YLPM1: variants seen among roughly 807,000 people sequenced by gnomAD.
The protein encoded by YLPM1 is YLP motif-containing protein 1.
In YLPM1, 99 loss-of-function variants were observed where a neutral mutation model predicts 230.0. The ratio of observed to expected loss-of-function variants is 0.43; its 90% CI spans 0.37 to 0.51. YLPM1 has a LOEUF of 0.51. Ranked by LOEUF, YLPM1 falls within the 20% of genes least tolerant of loss-of-function variation. The pLI, the probability that YLPM1 is intolerant of heterozygous loss-of-function variation, is 0.00. For missense variants in YLPM1, 2,592 were observed against 2,707.7 expected (o/e 0.96, Z 0.95); for synonymous variants, 984 against 942.5 (o/e 1.04, Z -0.81).
chr14:74,816,469 A>T (rs2091478960), intron 12 of YLPM1, 102 bp from the exon 13 acceptor site: 1 of 1,427,844 alleles, frequency 7.0e-7, no homozygotes, highest in Non-Finnish European at 9.4e-7. Context: ...ATTTGAAACC[A>T]CCAGAAGATT....
intron 9 of YLPM1, among the ~76,000 whole-genome samples, chr14:74,811,320 A>C (rs2091432366): frequency 6.6e-6 from 1 of 151,964 alleles, no homozygotes; most frequent in Non-Finnish European, 1.5e-5. Context: ...CATCTCTACA[A>C]AAAATAACAA....
intron 11 of YLPM1, among the ~76,000 whole-genome samples, chr14:74,815,273 T>C (rs1456882337): frequency 6.6e-6 from 1 of 152,158 alleles, no homozygotes; most frequent in Non-Finnish European, 1.5e-5. Flanking sequence ...TCAATTTTGT[T>C]GATCTTAGTC....
intron 6 of YLPM1, among the ~76,000 whole-genome samples, chr14:74,803,107 A>AG (rs2091343966): frequency 6.6e-6 from 1 of 152,082 alleles, no homozygotes; most frequent in Non-Finnish European, 1.5e-5. Flanking sequence ...CAAAAAAAAA[A>AG]AAAAGTCCTG....
intron 2 of YLPM1, among the ~76,000 whole-genome samples, chr14:74,779,282 T>C (rs2091070677): frequency 6.6e-6 from 1 of 152,200 alleles, no homozygotes; most frequent in African/African-American, 2.4e-5. Context: ...AGTTGAGTGC[T>C]TGAGCTTTTA....
intron 4 of YLPM1, among the ~76,000 whole-genome samples, chr14:74,795,858 C>T (rs144288270): frequency 3.9e-5 from 6 of 152,210 alleles, no homozygotes; most frequent in Non-Finnish European, 7.3e-5. Flanking sequence ...AGTTTATTCT[C>T]TCTTAGGACT....
intron 4 of YLPM1, among the ~76,000 whole-genome samples, chr14:74,794,626 T>C (rs2091240882): frequency 6.6e-6 from 1 of 152,168 alleles, no homozygotes; most frequent in African/African-American, 2.4e-5. Flanking sequence ...AAGATAATAT[T>C]AGTTCATCCT....
At chr14:74,835,074 G>C in intron 19 of YLPM1, 191 bp from the exon 20 acceptor site, 1 of 640,020 alleles carries the variant, frequency 1.6e-6, no homozygotes, top group Non-Finnish European at 2.6e-6. Flanking sequence ...TTAGGACTTG[G>C]ATTGTCCAGA....
intron 5 of YLPM1, among the ~76,000 whole-genome samples, chr14:74,800,546 G>A (rs561087134): frequency 6.6e-6 from 1 of 152,172 alleles, no homozygotes; most frequent in Non-Finnish European, 1.5e-5. Context: ...GTCAATTAAT[G>A]ATTAGGTTTT....
At chr14:74,819,573 C>T (rs2091504844) in intron 16 of YLPM1, among the ~76,000 whole-genome samples, 2 of 152,144 alleles carry the variant, frequency 1.3e-5, no homozygotes, top group Non-Finnish European at 2.9e-5. Context: ...CCATGCCCAA[C>T]CGTCATTGTT....
rs374537460 is a variant in YLPM1, at chr14:74,809,455, G to C, written c.4597G>C (p.Ala1533Pro). The C allele has an allele frequency of 3.1e-6, 5 of 1,599,138 alleles. No homozygotes were observed. The African/African-American group carries it at 6.7e-5, about 21-fold the overall frequency. The change falls in exon 7 of 21, where the codon GCA (alanine) becomes CCA (proline). Residue 1533 changes from alanine (A) to proline (P), a missense_variant. Transcript: ENST00000325680. ...GSIVRPSAPP[A>P]RSSVPVTRPP... The stretch of plus-strand genomic sequence containing the variant: ...AATTGTAAGACCCTCTGCTCCACCA[G>C]CAAGATCATCTGTTCCTGTGACCAG...
At chr14:74,768,950 C>G (rs554704266) in intron 1 of YLPM1, among the ~76,000 whole-genome samples, 16 of 151,582 alleles carry the variant, frequency 1.1e-4, no homozygotes, top group African/African-American at 3.9e-4. Flanking sequence ...TAGGATCTAG[C>G]GCATAGGAGG....
Position 74,797,885 on chromosome 14 carries a change from A to G in YLPM1, c.2588A>G (p.Lys863Arg). 2 of 1,613,992 alleles carry G rather than the reference A, an allele frequency of 1.2e-6. No individual in the cohort carries two copies. Among genetic ancestry groups the G allele is most frequent in the Non-Finnish European group, 1.7e-6 (2 of 1,179,884 alleles). The change falls in exon 5 of 21, where the codon AAA becomes AGA. Residue 863 changes from lysine to arginine, a missense_variant. Lys to Arg is a conservative substitution (Grantham distance 26, BLOSUM62 2). Transcript: ENST00000325680. Reference protein sequence around the residue: ...KSQAEPLSGNKEPLADTSSNQ... With the variant: ...KSQAEPLSGNREPLADTSSNQ... ...CAAGCAGAACCTCTTTCAGGAAACA[A>G]AGAACCATTAGCAGACACCAGTAGT...
chr14:74,835,354 C>T lies in YLPM1; in HGVS notation c.6384C>T (p.Ile2128=), dbSNP rs2140150209. The stretch of plus-strand genomic sequence containing the variant: ...TCGGACAGACTGATTGGGAGAAGAT[C>T]ACAGATGAAAGTGGTCACCTGGCTG... ...FVVGQTDWEK[I]TDESGHLAEK... is the part of the protein sequence containing the mutation. The change falls in exon 20 of 21, where the codon ATC becomes ATT. Residue 2128 remains isoleucine, a synonymous_variant. Coordinates refer to ENST00000325680, the MANE Select transcript of YLPM1 (RefSeq NM_019589.3). 1.1e-5 allele frequency: 18 copies of T among 1,613,692 alleles called. No individual in the cohort carries two copies. Among genetic ancestry groups the T allele is most frequent in the Non-Finnish European group, 1.5e-5 (18 of 1,179,704 alleles).
chr14:74,792,512 T>G (rs1454859314), intron 4 of YLPM1, among the ~76,000 whole-genome samples: 1 of 152,198 alleles, frequency 6.6e-6, no homozygotes, highest in Non-Finnish European at 1.5e-5. Flanking sequence ...TCAAAGTGAT[T>G]CATATGCATG....
chr14:74,829,117 C>A, intron 18 of YLPM1, 96 bp from the exon 19 acceptor site: 1 of 1,465,758 alleles, frequency 6.8e-7, no homozygotes, highest in Non-Finnish European at 9.3e-7. Context: ...GTGGATATGC[C>A]CTCTGAAAGC....
chr14:74,817,240 G>T lies in YLPM1; in HGVS notation c.5909G>T (p.Arg1970Ile). The change falls in exon 15 of 21, where the codon AGA becomes ATA. Residue 1970 changes from arginine to isoleucine, a missense_variant. Physicochemically the swap from Arg to Ile is moderately conservative, Grantham distance 97 (BLOSUM62 -3). This residue lies in a region of YLPM1 where 315 missense variants were observed against 429.3 expected (regional missense o/e 0.73). Transcript: ENST00000325680. ...GCAGATAACCAGACTTGTGGCAAGA[G>T]AAATATTCATGGAAGAAAGCTTAAA... ...MSADNQTCGK[R>I]NIHGRKLKEI... 6.3e-7 allele frequency: 1 copy of T among 1,599,356 alleles called. No individual in the cohort carries two copies. Among genetic ancestry groups the T allele is most frequent in the East Asian group, 2.2e-5 (1 of 44,520 alleles).
intron 18 of YLPM1, 21 bp from the exon 19 acceptor site, chr14:74,829,192 G>A (rs1223459682): frequency 1.4e-5 from 22 of 1,611,956 alleles, no homozygotes; most frequent in Non-Finnish European, 1.5e-5. Flanking sequence ...TTAATGCTAC[G>A]GCTCTGTGTT....
At chr14:74,824,852 A>G (rs1014572189) in intron 18 of YLPM1, among the ~76,000 whole-genome samples, 5 of 152,134 alleles carry the variant, frequency 3.3e-5, no homozygotes, top group African/African-American at 1.2e-4. Flanking sequence ...CCAAATTCCA[A>G]GGTAAACCAG....
At chr14:74,826,476 A>G (rs942486015) in intron 18 of YLPM1, among the ~76,000 whole-genome samples, 7 of 152,218 alleles carry the variant, frequency 4.6e-5, no homozygotes, top group Admixed American at 3.9e-4. Flanking sequence ...ATTAAGTTTT[A>G]GCAGTGTCAC....
Sources: allele counts gnomAD v4.1 joint callset (sites outside exome capture counted in the v4.1 genomes callset), GRCh38; gene constraint gnomAD v4.1.1; regional missense constraint gnomAD v4.1.1; transcripts MANE v1.5; gene names NCBI Gene and HGNC (gene_info 2026-07-23, HGNC 2026-07-21).